Variants in CD163 observed in about 807,000 individuals in gnomAD.
The protein encoded by CD163 is CD163 molecule, also known as scavenger receptor cysteine-rich type 1 protein M130.
In CD163, 64 loss-of-function variants were observed where a neutral mutation model predicts 129.2. That is an observed-to-expected ratio of 0.50 (90% CI 0.41 to 0.61). CD163 has a LOEUF of 0.61. Ranked by LOEUF, CD163 falls within the 20% of genes least tolerant of loss-of-function variation. The pLI, the probability that CD163 is intolerant of heterozygous loss-of-function variation, is 0.00. For synonymous variants in CD163, 446 were observed against 478.5 expected, an observed-to-expected ratio of 0.93 and a Z score of 0.89; for missense variants, 1,061 against 1,377.9, an observed-to-expected ratio of 0.77 and a Z score of 3.64.
chr12:7,491,918 T>C (rs1949331220), intron 6 of CD163, among the ~76,000 whole-genome samples: 1 of 152,126 alleles, frequency 6.6e-6, no homozygotes, highest in African/African-American at 2.4e-5. Flanking sequence ...TCTTAAATTG[T>C]TTCCAATTCT....
At chr12:7,499,364 A>G (rs1949447335) in intron 3 of CD163, among the ~76,000 whole-genome samples, 176 bp from the exon 4 acceptor site, 1 of 152,206 alleles carries the variant, frequency 6.6e-6, no homozygotes, top group South Asian at 2.1e-4. Flanking sequence ...CTAGGAAGCA[A>G]TTAGGATTTT....
intron 16 of CD163, among the ~76,000 whole-genome samples, chr12:7,474,332 A>G (rs781210918): frequency 6.6e-6 from 1 of 152,320 alleles, no homozygotes; most frequent in East Asian, 1.9e-4. Flanking sequence ...AATTGGAAAT[A>G]AAACACTCCT....
rs1248626417 is a variant in CD163 at position 7,491,730 on chromosome 12, A to G, written c.1420+3351T>C. Among the ~76,000 whole-genome samples the G allele has an allele frequency of 2.6e-5, 4 of 152,150 alleles. 1 individual carries two copies. Among genetic ancestry groups the G allele is most frequent in the South Asian group, 4.1e-4 (2 of 4,832 alleles). On this transcript the variant is annotated intron_variant, in intron 6 of 16. Coordinates refer to ENST00000432237, the MANE Select transcript of CD163 (RefSeq NM_203416.4). Reference sequence around the variant, plus strand: ...TTCAGACTCTGAAGAAGTATAGATCATCATAATCTCAGAATTATTTCTCCA... The same window carrying G: ...TTCAGACTCTGAAGAAGTATAGATCGTCATAATCTCAGAATTATTTCTCCA...
chr12:7,495,491 G>A, intron 5 of CD163, 90 bp from the exon 6 acceptor site: 1 of 1,077,098 alleles, frequency 9.3e-7, no homozygotes, highest in Non-Finnish European at 1.3e-6. Context: ...CTCTGATACT[G>A]ATGCATTGAA....
rs2136699213 is a variant in CD163 at position 7,483,476 on chromosome 12, G to A, written c.2979C>T (p.Leu993=). Residue 993 remains leucine (L), a synonymous_variant, in exon 12 of 17, where the codon CTC becomes CTT. Transcript: ENST00000432237. ...EFGQGTGPIW[L]NEVKCKGNES... is the part of the protein sequence containing the mutation. ...CATTCCCTTTGCACTTCACTTCATT[G>A]AGCCATATCGGTCCAGTCCCCTGAC... 6.2e-7 allele frequency: 1 copy of A among 1,613,904 alleles called. No individual in the cohort carries two copies. Among genetic ancestry groups the A allele is most frequent in the East Asian group, 2.2e-5 (1 of 44,850 alleles).
intron 16 of CD163, among the ~76,000 whole-genome samples, chr12:7,476,889 C>A (rs1293387585): frequency 6.6e-6 from 1 of 152,104 alleles, no homozygotes; most frequent in African/African-American, 2.4e-5. Context: ...AACAAATCTA[C>A]AAGAGAAACA....
chr12:7,480,971 G>T (rs1211459317), intron 15 of CD163, 190 bp downstream of exon 15: 1 of 1,296,602 alleles, frequency 7.7e-7, no homozygotes, highest in South Asian at 2.4e-5. Context: ...TAAGCTAAAG[G>T]CCTCCCTATG....
At position 7,496,749 on chromosome 12, in the gene CD163, AG is replaced by A. The variant is rs1949406964; in HGVS notation, c.1099+63del. On this transcript the variant is annotated intron_variant, in intron 5 of 16. Coordinates refer to ENST00000432237, the MANE Select transcript of CD163 (RefSeq NM_203416.4). This position sits in a 1 kb window ranked among gnomAD's most constrained non-coding sequence, Gnocchi z 4.8. Reference sequence around the variant, plus strand: ...GCACGTTCCTACTCTTAAGGAGCACAGGACTTTCCGTTTCTGCTTTTCTTTT... The same window carrying A: ...GCACGTTCCTACTCTTAAGGAGCACAGACTTTCCGTTTCTGCTTTTCTTTT... The A allele has an allele frequency of 5.6e-6, 8 of 1,430,720 alleles. No individual in the cohort carries two copies. In the East Asian group the frequency reaches 1.8e-4, roughly 33 times the overall value. The allele number at this position is 1,430,720 out of a possible 1,614,324, so 88.6% of individuals were successfully genotyped here.
chr12:7,485,414 A>G lies in CD163; in HGVS notation c.2461T>C (p.Phe821Leu), dbSNP rs1456324248. The G allele has an allele frequency of 1.9e-5, 31 of 1,609,454 alleles. No homozygotes were observed. Among genetic ancestry groups the G allele is most frequent in the Non-Finnish European group, 2.5e-5 (30 of 1,176,632 alleles). ...TCACTGGTCAGTCTCAGAGACATGA[A>G]TTCTGCAGCGAAACATAGAATTAGT... ...KEDAGVICSEFMSLRLTSEAS... is the reference protein window; with the variant it reads ...KEDAGVICSELMSLRLTSEAS... The change falls in exon 11 of 17, where the codon TTC becomes CTC. Residue 821 changes from phenylalanine to leucine, a missense_variant and splice_region_variant. Phe to Leu is a conservative substitution (Grantham distance 22, BLOSUM62 0). Transcript: ENST00000432237. This position sits in a 1 kb window ranked among gnomAD's most constrained non-coding sequence, Gnocchi z 4.5.
Position 7,503,727 on chromosome 12 carries a change from C to A in CD163, c.-37G>T. On this transcript the variant is annotated 5_prime_UTR_variant, in exon 1 of 17. Transcript: ENST00000432237. ...ATAACTTCAATGATTCCTAAATCTTCTTGTATTATTCCCTAGAAATGTTCT... is the reference window on the plus strand; with the variant it reads ...ATAACTTCAATGATTCCTAAATCTTATTGTATTATTCCCTAGAAATGTTCT... 3 of 1,284,536 alleles carry A rather than the reference C, an allele frequency of 2.3e-6. No homozygotes were observed. Among genetic ancestry groups the A allele is most frequent in the Non-Finnish European group, 2.2e-6 (2 of 893,948 alleles). 79.6% of individuals were successfully genotyped at this position (1,284,536 alleles called of 1,614,324 possible). A position where few individuals can be genotyped will look rare whatever the true frequency, so the allele number is the denominator to read the frequency against.
chr12:7,478,538 C>T (rs927736749), intron 16 of CD163, among the ~76,000 whole-genome samples: 3 of 152,088 alleles, frequency 2.0e-5, no homozygotes, highest in Admixed American at 6.6e-5. Flanking sequence ...GTTACACATA[C>T]ACATACATAC....
Position 7,486,741 on chromosome 12 carries a change from G to T in CD163, c.2216C>A (p.Ser739Tyr), listed in dbSNP as rs778342413. 5 of 1,614,142 alleles carry T rather than the reference G, an allele frequency of 3.1e-6. No homozygotes were observed. In the South Asian group the frequency reaches 4.4e-5, roughly 14 times the overall value. Residue 739 changes from serine (S) to tyrosine (Y), a missense_variant, in exon 10 of 17, where the codon TCC becomes TAC. Transcript: ENST00000432237. The stretch of plus-strand genomic sequence containing the variant: ...GCTGTCATCACAGATGGTGCCCCAG[G>T]AGCCCTCATGATAGATCTCTACTCT... ...AGRVEIYHEGSWGTICDDSWD... is the reference protein window; with the variant it reads ...AGRVEIYHEGYWGTICDDSWD...
At chr12:7,495,986 A>G (rs1383457684) in intron 5 of CD163, among the ~76,000 whole-genome samples, 2 of 152,216 alleles carry the variant, frequency 1.3e-5, no homozygotes, top group Admixed American at 1.3e-4. Flanking sequence ...TATATACCCA[A>G]AGGATTATAA....
chr12:7,483,018 G>C lies in CD163; in HGVS notation c.3089-14C>G, dbSNP rs184816186. The C allele has an allele frequency of 2.3e-4, 373 of 1,612,584 alleles. 1 individual carries two copies. The African/African-American group carries it at 4.2e-3, about 18-fold the overall frequency. ...GCACTGAAATATCTGTAGGAGAAAAGAAAGAGAGAGGGTTAATTCTTTGCA... is the reference window on the plus strand; with the variant it reads ...GCACTGAAATATCTGTAGGAGAAAACAAAGAGAGAGGGTTAATTCTTTGCA... On this transcript the variant is annotated splice_polypyrimidine_tract_variant and intron_variant, in intron 12 of 16. Transcript: ENST00000432237.
In CD163 at chr12:7,487,214, A is replaced by T; in HGVS notation, c.2050+145T>A. On this transcript the variant is annotated intron_variant, in intron 8 of 16. Coordinates refer to ENST00000432237, the MANE Select transcript of CD163 (RefSeq NM_203416.4). This position sits in a 1 kb window ranked among gnomAD's most constrained non-coding sequence, Gnocchi z 5.1. ...AGGTTTGCTCACCCTCTGAAAAGAC[A>T]AATGAGGTTAATATTCTGAAGCATG... 9.6e-7 allele frequency: 1 copy of T among 1,044,302 alleles called. No homozygotes were observed. Among genetic ancestry groups the T allele is most frequent in the Non-Finnish European group, 1.4e-6 (1 of 739,568 alleles). 64.7% of individuals were successfully genotyped at this position (1,044,302 alleles called of 1,614,324 possible).
Position 7,502,789 on chromosome 12 carries a change from TAGC to T in CD163, c.47-228_47-226del, listed in dbSNP as rs750509505. On this transcript the variant is annotated intron_variant, in intron 1 of 16. Coordinates refer to ENST00000432237, the MANE Select transcript of CD163 (RefSeq NM_203416.4). The stretch of plus-strand genomic sequence containing the variant: ...TATAGGCAACCTAGAGGTGACGGAT[TAGC>T]AGAAGGTTGGTGGTGGAAACGAGAA... 8.1e-4 allele frequency: 467 copies of T among 574,940 alleles called. 4 individuals carry two copies. Among genetic ancestry groups the T allele is most frequent in the Middle Eastern group, 2.6e-4 (1 of 3,872 alleles). The allele number at this position is 574,940 out of a possible 1,614,324, so 35.6% of individuals were successfully genotyped here. A position where few individuals can be genotyped will look rare whatever the true frequency, so the allele number is the denominator to read the frequency against.
At chr12:7,473,992 C>T (rs1161321763) in intron 16 of CD163, among the ~76,000 whole-genome samples, 1 of 152,132 alleles carries the variant, frequency 6.6e-6, no homozygotes, top group Non-Finnish European at 1.5e-5. Flanking sequence ...AAGGTCATTA[C>T]ATAATGGTAA....
chr12:7,501,504 A>C, intron 2 of CD163, 42 bp from the exon 3 acceptor site: 1 of 1,461,992 alleles, frequency 6.8e-7, no homozygotes, highest in Non-Finnish European at 9.5e-7. Context: ...AAGGTCGCAA[A>C]GAGCAAGTAG....
chr12:7,481,399 C>T, intron 14 of CD163, 143 bp from the exon 15 acceptor site: 1 of 626,002 alleles, frequency 1.6e-6, no homozygotes, highest in Non-Finnish European at 2.9e-6. Context: ...CCAAGCTCTT[C>T]CCTTACAATT....
Sources: gnomAD v4.1 joint callset for allele counts (sites outside exome capture counted in the v4.1 genomes callset) on GRCh38, gnomAD v4.1.1 for gene constraint, Gnocchi (gnomAD v3.1) non-coding constraint, MANE v1.5 for transcripts, NCBI Gene and HGNC (gene_info 2026-07-23, HGNC 2026-07-21) for gene names.